Variants in FYB1 observed in about 807,000 individuals in gnomAD.
FYB1 encodes FYN-binding protein 1.
In FYB1, 41 loss-of-function variants were observed where a neutral mutation model predicts 94.1. The observed-to-expected ratio is 0.44, with a 90% confidence interval of 0.34 to 0.57. The LOEUF (loss-of-function observed/expected upper bound fraction) is 0.57, where lower values mean the gene tolerates loss of function less well. Ranked by LOEUF, FYB1 falls within the 20% of genes least tolerant of loss-of-function variation. FYB1 has a pLI of 0.02. For missense variants in FYB1, 1,050 were observed against 976.8 expected, an observed-to-expected ratio of 1.07 and a Z score of -1.00; for synonymous variants, 367 against 353.2, an observed-to-expected ratio of 1.04 and a Z score of -0.44.
chr5:39,195,438 A>C (rs1428895288), intron 2 of FYB1, among the ~76,000 whole-genome samples: 9 of 152,202 alleles, frequency 5.9e-5, no homozygotes, highest in Non-Finnish European at 1.2e-4. Flanking sequence ...CTGTGAAGGA[A>C]AATCTTACCC....
intron 1 of FYB1, among the ~76,000 whole-genome samples, chr5:39,243,132 C>T (rs971858594): frequency 6.6e-6 from 1 of 151,978 alleles, no homozygotes. Flanking sequence ...TGTGCAGAAG[C>T]TCTTTAGTTT....
Position 39,202,257 on chromosome 5 carries a change from C to T in FYB1, c.704G>A (p.Ser235Asn), listed in dbSNP as rs772332884. ...SPAPLGVRSK[S>N]GPLKPAREDS... ...TTCCCTTGCTGGTTTTAAAGGGCCG[C>T]TTTTGGACCTGACTCCCAGGGGAGC... The change falls in exon 2 of 19, where the codon AGC (serine) becomes AAC (asparagine). Residue 235 changes from serine (S) to asparagine (N), a missense_variant. Coordinates refer to ENST00000512982, the MANE Select transcript of FYB1 (RefSeq NM_001465.6). The T allele has an allele frequency of 6.2e-7, 1 of 1,613,944 alleles. No individual in the cohort carries two copies. Among genetic ancestry groups the T allele is most frequent in the Non-Finnish European group, 8.5e-7 (1 of 1,179,880 alleles).
At chr5:39,185,835 T>C (rs1349004711) in intron 2 of FYB1, among the ~76,000 whole-genome samples, 2 of 151,874 alleles carry the variant, frequency 1.3e-5, no homozygotes, top group Non-Finnish European at 2.9e-5. Flanking sequence ...AGATGGAGAA[T>C]ATTGGGAGCA....
At chr5:39,177,280 G>A (rs771217881) in intron 2 of FYB1, among the ~76,000 whole-genome samples, 46 of 152,096 alleles carry the variant, frequency 3.0e-4, no homozygotes, top group Admixed American at 5.9e-4. Context: ...ACTATTGTGC[G>A]CCTGCTACCT....
chr5:39,255,638 C>T (rs534342905), intron 1 of FYB1, among the ~76,000 whole-genome samples: 21 of 152,282 alleles, frequency 1.4e-4, no homozygotes, highest in African/African-American at 4.1e-4. Context: ...CAGCTGCCTA[C>T]GCAGAGGACA....
chr5:39,119,771 T>C, intron 14 of FYB1, 137 bp from the exon 15 acceptor site: 1 of 1,095,558 alleles, frequency 9.1e-7, no homozygotes, highest in Non-Finnish European at 1.2e-6. Flanking sequence ...ATCCAGTAAC[T>C]GTCATTGTAA....
chr5:39,220,479 CAAAAAAGAAAAGAGA>C (rs925467871), upstream of FYB1, among the ~76,000 whole-genome samples: 4 of 147,968 alleles, frequency 2.7e-5, no homozygotes, highest in Non-Finnish European at 4.5e-5. Flanking sequence ...GAAAGAAACT[CAAAAAAGAAAAGAGA>C]AAAAAAGAAA....
At chr5:39,248,623 G>A (rs1433027350) in intron 1 of FYB1, among the ~76,000 whole-genome samples, 1 of 152,184 alleles carries the variant, frequency 6.6e-6, no homozygotes, top group African/African-American at 2.4e-5. Context: ...GATCACTTGA[G>A]GTCAGGAGTT....
intron 3 of FYB1, among the ~76,000 whole-genome samples, chr5:39,145,390 G>A (rs1040022262): frequency 2.0e-5 from 3 of 151,940 alleles, no homozygotes; most frequent in Admixed American, 6.6e-5. Context: ...ATGAAACATC[G>A]CAAGAAGTTT....
chr5:39,200,802 C>T (rs144877640), intron 2 of FYB1, among the ~76,000 whole-genome samples: 15 of 152,290 alleles, frequency 9.8e-5, no homozygotes, highest in African/African-American at 3.4e-4. Flanking sequence ...TTTAACTAGA[C>T]CATACTTCGG....
At chr5:39,240,377 T>C (rs1751151151) in intron 1 of FYB1, among the ~76,000 whole-genome samples, 2 of 151,802 alleles carry the variant, frequency 1.3e-5, no homozygotes, top group Admixed American at 1.3e-4. Context: ...CTCAACAGAG[T>C]ACACAGACAA....
chr5:39,169,479 A>G, intron 2 of FYB1: 2 of 676,682 alleles, frequency 3.0e-6, no homozygotes, highest in Middle Eastern at 2.9e-4. Flanking sequence ...AATTTCAGAC[A>G]TATTAATCGA....
chr5:39,122,953 A>G (rs1236063191), intron 13 of FYB1, among the ~76,000 whole-genome samples: 1 of 152,168 alleles, frequency 6.6e-6, no homozygotes, highest in Non-Finnish European at 1.5e-5. Context: ...TTTTAATTAA[A>G]TACTTCTGTT....
At chr5:39,263,178 G>C (rs1423738916) in intron 1 of FYB1, among the ~76,000 whole-genome samples, 4 of 151,594 alleles carry the variant, frequency 2.6e-5, no homozygotes, top group African/African-American at 9.7e-5. Context: ...TATTGAAGTT[G>C]CCGAATCAAG....
chr5:39,162,630 A>T (rs1744356364), intron 2 of FYB1, among the ~76,000 whole-genome samples: 1 of 152,042 alleles, frequency 6.6e-6, no homozygotes, highest in South Asian at 2.1e-4. Context: ...GGTTGCAGTG[A>T]GCCGAGATGG....
intron 1 of FYB1, among the ~76,000 whole-genome samples, chr5:39,265,116 G>T (rs537657823): frequency 1.3e-5 from 2 of 151,876 alleles, no homozygotes; most frequent in East Asian, 1.9e-4. Flanking sequence ...TGGGTGGATC[G>T]CCTGAGGTCA....
chr5:39,172,726 CG>C (rs151223235), intron 2 of FYB1, among the ~76,000 whole-genome samples: 2,726 of 152,216 alleles, frequency 0.018, 79 homozygotes, highest in African/African-American at 0.061. Flanking sequence ...TGTGTTAGTT[CG>C]CTTAGGATAG....
In FYB1 at chr5:39,219,557, G is replaced by GA. The variant is rs1468288686; in HGVS notation, c.-143dup. ...CATCTGCTCTGCATGTGGAACTCAA[G>GA]AACTGCGGAGCTTTCTGATGCCTGG... is the stretch of plus-strand genomic sequence containing the variant. On this transcript the variant is annotated 5_prime_UTR_variant, in exon 1 of 19. Coordinates refer to ENST00000512982, the MANE Select transcript of FYB1 (RefSeq NM_001465.6). 7.1e-6 allele frequency: 7 copies of GA among 985,344 alleles called. No homozygotes were observed. In the African/African-American group the frequency reaches 1.2e-4, roughly 17 times the overall value. The allele number at this position is 985,344 out of a possible 1,614,324, so 61.0% of individuals were successfully genotyped here. A position where few individuals can be genotyped will look rare whatever the true frequency, so the allele number is the denominator to read the frequency against.
In FYB1 at chr5:39,105,542, T is replaced by A. The variant is rs1268059006; in HGVS notation, c.*1901A>T. The A allele has an allele frequency of 6.6e-6, 1 of 152,126 alleles. No homozygotes were observed. The highest frequency in any genetic ancestry group is 6.6e-5 in the Admixed American group (1 of 15,266). 9.4% of individuals were successfully genotyped at this position (152,126 alleles called of 1,614,324 possible). On this transcript the variant is annotated 3_prime_UTR_variant, in exon 19 of 19. Transcript: ENST00000512982. ...AAAAAAAATTACTGTCAGACTGCAA[T>A]GCAAGTCTGCCCCAATGAAGGCAGG...
Sources: allele counts gnomAD v4.1 joint callset (sites outside exome capture counted in the v4.1 genomes callset), GRCh38; gene constraint gnomAD v4.1.1; transcripts MANE v1.5; gene names NCBI Gene and HGNC (gene_info 2026-07-23, HGNC 2026-07-21).